GRID1: variants seen among roughly 807,000 people sequenced by gnomAD.
GRID1 encodes glutamate receptor ionotropic, delta-1.
Under a neutral mutation model 98.0 loss-of-function variants are expected in GRID1, and 28 were observed. The observed-to-expected ratio is 0.29, with a 90% CI of 0.21 to 0.39. The LOEUF (loss-of-function observed/expected upper bound fraction) is 0.39, where lower values mean the gene tolerates loss of function less well. GRID1 is among the 10% of genes least tolerant of loss of function. The probability of loss-of-function intolerance (pLI) is 1.00; values close to 1 mark genes in which losing one functional copy is unlikely to be tolerated. For missense variants in GRID1, 1,111 were observed against 1,340.5 expected (o/e 0.83, Z 2.67); for synonymous variants, 553 against 538.5 (o/e 1.03, Z -0.37).
intron 3 of GRID1, among the ~76,000 whole-genome samples, chr10:86,188,632 C>T (rs11201933): frequency 0.3 from 45,110 of 152,078 alleles, 6,943 homozygotes; most frequent in East Asian, 0.48. Flanking sequence ...TCTCGGGGCC[C>T]GAGCAGGTTG....
chr10:86,078,074 T>G (rs1355579317), intron 4 of GRID1, among the ~76,000 whole-genome samples: 1 of 152,242 alleles, frequency 6.6e-6, no homozygotes, highest in Non-Finnish European at 1.5e-5. Context: ...GAACTGGCAG[T>G]GCCAGGGCCG....
chr10:86,100,245 G>T (rs1378804051), intron 4 of GRID1, among the ~76,000 whole-genome samples: 6 of 152,186 alleles, frequency 3.9e-5, no homozygotes, highest in African/African-American at 1.4e-4. Flanking sequence ...ACAGCATGCA[G>T]GCTGTAGAAT....
chr10:85,910,569 C>A (rs1401939328), intron 5 of GRID1, among the ~76,000 whole-genome samples: 1 of 152,094 alleles, frequency 6.6e-6, no homozygotes, highest in Non-Finnish European at 1.5e-5. Context: ...AAGATGGGGG[C>A]TGGGGCCTGA....
chr10:85,723,750 T>C (rs1332260904), intron 11 of GRID1, among the ~76,000 whole-genome samples: 1 of 152,222 alleles, frequency 6.6e-6, no homozygotes, highest in Non-Finnish European at 1.5e-5. Context: ...GTCTCTAAAG[T>C]GTTAGGAGAA....
At chr10:86,315,365 G>A (rs998105393) in intron 2 of GRID1, among the ~76,000 whole-genome samples, 6 of 152,158 alleles carry the variant, frequency 3.9e-5, no homozygotes, top group Admixed American at 3.9e-4. Context: ...AGGCAAGGAG[G>A]GCTGAGGCAT....
chr10:86,065,419 TC>T lies in GRID1; in HGVS notation c.726+73399del, dbSNP rs1220242857. Among the ~76,000 whole-genome samples, 3 of 152,358 alleles carry T rather than the reference TC, an allele frequency of 2.0e-5. No homozygotes were observed. In the East Asian group the frequency reaches 5.8e-4, roughly 29 times the overall value. On this transcript the variant is annotated intron_variant, in intron 4 of 15. Transcript: ENST00000327946. ...CAATCTGTGCCCTCTGCCACCCTTCTCTACCTCATACCCCCATCCTTCCGGC... is the reference window on the plus strand; with the variant it reads ...CAATCTGTGCCCTCTGCCACCCTTCTTACCTCATACCCCCATCCTTCCGGC...
chr10:85,999,764 G>A (rs529643958), intron 4 of GRID1, among the ~76,000 whole-genome samples: 1 of 152,232 alleles, frequency 6.6e-6, no homozygotes, highest in African/African-American at 2.4e-5. Context: ...ATGACAAAAT[G>A]CAGCTTTCTT....
chr10:86,224,926 A>AC (rs1200019107), intron 2 of GRID1, among the ~76,000 whole-genome samples: 1 of 152,064 alleles, frequency 6.6e-6, no homozygotes, highest in African/African-American at 2.4e-5. Context: ...TGCCTCCACC[A>AC]CCAGGCTGTG....
intron 4 of GRID1, among the ~76,000 whole-genome samples, chr10:86,032,262 C>T (rs1843196640): frequency 1.3e-5 from 2 of 152,036 alleles, no homozygotes; most frequent in Admixed American, 1.3e-4. Context: ...GGCGCCTCTG[C>T]CCGGCCACCC....
chr10:86,228,148 G>A (rs953624498), intron 2 of GRID1, among the ~76,000 whole-genome samples: 2 of 151,456 alleles, frequency 1.3e-5, no homozygotes, highest in East Asian at 1.9e-4. Context: ...TGAGTAGGTG[G>A]GTGGATGGAT....
chr10:86,110,618 C>T (rs1364537968), intron 4 of GRID1, among the ~76,000 whole-genome samples: 3 of 152,142 alleles, frequency 2.0e-5, no homozygotes. Flanking sequence ...CAGGACCAGG[C>T]TTAGCATTCC....
At chr10:86,024,592 G>A (rs1305942838) in intron 4 of GRID1, among the ~76,000 whole-genome samples, 1 of 152,228 alleles carries the variant, frequency 6.6e-6, no homozygotes, top group Non-Finnish European at 1.5e-5. Context: ...TCCATAAGAT[G>A]AGCAGATCTG....
At chr10:86,354,628 TAATC>T (rs1310667636) in intron 2 of GRID1, among the ~76,000 whole-genome samples, 2 of 152,234 alleles carry the variant, frequency 1.3e-5, no homozygotes, top group African/African-American at 4.8e-5. Flanking sequence ...ACCACACAGA[TAATC>T]AATCAGATTT....
At chr10:86,182,152 G>C (rs1204292176) in intron 3 of GRID1, among the ~76,000 whole-genome samples, 1 of 152,188 alleles carries the variant, frequency 6.6e-6, no homozygotes, top group Admixed American at 6.5e-5. Context: ...TGAGACTATG[G>C]GGTGAGACCA....
chr10:86,180,849 G>A (rs112770492), intron 3 of GRID1, among the ~76,000 whole-genome samples: 28 of 152,334 alleles, frequency 1.8e-4, no homozygotes, highest in African/African-American at 6.5e-4. Flanking sequence ...TCCTGAAATA[G>A]GACTTGGGGA....
chr10:85,877,889 G>A (rs935637306), intron 5 of GRID1, among the ~76,000 whole-genome samples: 13 of 152,270 alleles, frequency 8.5e-5, no homozygotes, highest in Middle Eastern at 3.4e-3. Context: ...TTAGACAAAT[G>A]GATAACTAGA....
At chr10:85,896,726 T>G (rs946592918) in intron 5 of GRID1, among the ~76,000 whole-genome samples, 2 of 152,178 alleles carry the variant, frequency 1.3e-5, no homozygotes, top group Admixed American at 6.6e-5. Flanking sequence ...AAATAACAAT[T>G]TATTATATTC....
intron 4 of GRID1, among the ~76,000 whole-genome samples, chr10:86,007,062 T>C (rs1421296505): frequency 2.0e-5 from 3 of 152,218 alleles, no homozygotes; most frequent in Non-Finnish European, 4.4e-5. Context: ...GGCTTGATTC[T>C]CATGTTCTAG....
intron 2 of GRID1, among the ~76,000 whole-genome samples, chr10:86,332,772 TCCTC>T (rs60649743): frequency 0.18 from 27,494 of 151,730 alleles, 3,077 homozygotes; most frequent in East Asian, 0.48. Context: ...CTTCCCCTGC[TCCTC>T]CCTGACTCCT....
Sources: gnomAD v4.1 joint callset for allele counts (sites outside exome capture counted in the v4.1 genomes callset) on GRCh38, gnomAD v4.1.1 for gene constraint, MANE v1.5 for transcripts, NCBI Gene and HGNC (gene_info 2026-07-23, HGNC 2026-07-21) for gene names.